COL3A1: variants seen among roughly 807,000 people sequenced by gnomAD.
The protein encoded by COL3A1 is collagen type III alpha 1 chain, also known as collagen alpha-1(III) chain.
A neutral mutation model predicts 200.9 loss-of-function variants in COL3A1; 46 were observed. That is an observed-to-expected ratio of 0.23 (90% CI 0.18 to 0.29). The LOEUF is 0.29. Ranked by LOEUF, COL3A1 falls within the 10% of genes least tolerant of loss-of-function variation. COL3A1 has a pLI of 1.00. For missense variants in COL3A1, 1,367 were observed against 1,917.6 expected (o/e 0.71, Z 5.36); for synonymous variants, 650 against 628.0 (o/e 1.03, Z -0.52).
At chr2:188,989,833 A>C (rs564758114) in intron 8 of COL3A1, among the ~76,000 whole-genome samples, 2 of 152,154 alleles carry the variant, frequency 1.3e-5, no homozygotes, top group East Asian at 1.9e-4. Context: ...TTTCCCTCTT[A>C]ATCTCCAATG....
chr2:188,998,583 A>G (rs1375352427), intron 28 of COL3A1, 91 bp from the exon 29 acceptor site: 1 of 1,324,732 alleles, frequency 7.5e-7, no homozygotes, highest in Non-Finnish European at 1.1e-6. Context: ...TTTTGCTTAT[A>G]TTTACATATT....
chr2:188,999,055 T>C (rs1259580566), intron 29 of COL3A1, among the ~76,000 whole-genome samples: 2 of 152,216 alleles, frequency 1.3e-5, no homozygotes, highest in Admixed American at 1.3e-4. Context: ...AAATAATAAG[T>C]ATTTCAATGA....
In COL3A1 at chr2:188,997,688, A is replaced by G. The variant is rs1231508385; in HGVS notation, c.1870-12A>G. The G allele has an allele frequency of 6.2e-7, 1 of 1,612,444 alleles. No homozygotes were observed. The highest frequency in any genetic ancestry group is 8.5e-7 in the Non-Finnish European group (1 of 1,178,520). ...GATGTTTACAACAGAGTGTATCATTATACTTTTCTAGGGGCCTGGTGGTGA... is the reference window on the plus strand; with the variant it reads ...GATGTTTACAACAGAGTGTATCATTGTACTTTTCTAGGGGCCTGGTGGTGA... On this transcript the variant is annotated splice_polypyrimidine_tract_variant and intron_variant, in intron 26 of 50. Coordinates refer to ENST00000304636, the MANE Select transcript of COL3A1 (RefSeq NM_000090.4).
intron 39 of COL3A1, 34 bp from the exon 40 acceptor site, chr2:189,004,223 T>G (rs750534644): frequency 6.2e-7 from 1 of 1,602,618 alleles, no homozygotes; most frequent in South Asian, 1.1e-5. Context: ...CACTGTCACA[T>G]AAAGATGAGC....
intron 13 of COL3A1, 30 bp downstream of exon 13, chr2:188,991,752 A>G (rs749678375): frequency 1.2e-6 from 2 of 1,612,610 alleles, no homozygotes; most frequent in South Asian, 2.2e-5. Flanking sequence ...TCACACAATT[A>G]CAACCCAAAG....
chr2:188,975,644 A>G (rs1025447518), intron 1 of COL3A1, among the ~76,000 whole-genome samples: 1 of 152,190 alleles, frequency 6.6e-6, no homozygotes. Flanking sequence ...TGTAATATCA[A>G]ATGTATTTGT....
chr2:188,993,504 C>T (rs1688232629), intron 16 of COL3A1, 45 bp downstream of exon 16: 1 of 1,412,820 alleles, frequency 7.1e-7, no homozygotes, highest in South Asian at 1.2e-5. Context: ...TTCATGCTTA[C>T]TCCATGAAAG....
At chr2:189,009,493 A>G (rs1156673915) in intron 48 of COL3A1, among the ~76,000 whole-genome samples, 2 of 2,394 alleles carry the variant, frequency 8.4e-4, no homozygotes, top group East Asian at 0.5. Context: ...ATAAAGTAAC[A>G]TATCTTTTTT....
chr2:188,975,324 T>A (rs7568165), intron 1 of COL3A1, among the ~76,000 whole-genome samples: 1,915 of 152,322 alleles, frequency 0.013, 50 homozygotes, highest in African/African-American at 0.044. Flanking sequence ...AAGATACTAG[T>A]ACTGTTTGAC....
At chr2:188,985,089 TA>T in intron 2 of COL3A1, 107 bp from the exon 3 acceptor site, 1 of 1,426,586 alleles carries the variant, frequency 7.0e-7, no homozygotes, top group African/African-American at 1.4e-5. Flanking sequence ...GTATTACGAG[TA>T]AAAAGTGACC....
In COL3A1 at chr2:189,001,520, G is replaced by T; in HGVS notation, c.2338-16G>T. 6.2e-7 allele frequency: 1 copy of T among 1,614,096 alleles called. No individual in the cohort carries two copies. Among genetic ancestry groups the T allele is most frequent in the African/African-American group, 1.3e-5 (1 of 75,008 alleles). On this transcript the variant is annotated splice_polypyrimidine_tract_variant and intron_variant, in intron 33 of 50. Coordinates refer to ENST00000304636, the MANE Select transcript of COL3A1 (RefSeq NM_000090.4). ...CTTTTGGATGCAAGACAGTGACATG[G>T]CTTCTCTTTTTCCAGGGTGAAGGTG...
intron 27 of COL3A1, 60 bp from the exon 28 acceptor site, chr2:188,998,206 G>C: frequency 6.8e-7 from 1 of 1,477,766 alleles, no homozygotes; most frequent in South Asian, 1.2e-5. Context: ...GTACATATGA[G>C]AAGCTTTTCT....
chr2:189,010,941 TTAATC>T (rs767802113), intron 50 of COL3A1, 51 bp downstream of exon 50: 1 of 1,607,708 alleles, frequency 6.2e-7, no homozygotes, highest in Non-Finnish European at 8.5e-7. Flanking sequence ...GCATTTTAGT[TTAATC>T]ATGCAAATTA....
Position 189,004,134 on chromosome 2 carries a change from G to A in COL3A1, c.2814G>A (p.Gln938=), listed in dbSNP as rs1688533327. Residue 938 remains glutamine, a synonymous_variant, in exon 39 of 51, where the codon CAG becomes CAA. Transcript: ENST00000304636. ...QPGEKGSPGA[Q]GPPGAPGPLG... ...GAGAGAAGGGATCGCCTGGTGCCCA[G>A]GGCCCACCAGTAAGTAACTTCATTT... The A allele has an allele frequency of 6.2e-7, 1 of 1,613,840 alleles. No individual in the cohort carries two copies. Among genetic ancestry groups the A allele is most frequent in the African/African-American group, 1.3e-5 (1 of 74,864 alleles).
At position 188,997,684 on chromosome 2, in the gene COL3A1, C is replaced by CATTATACT; in HGVS notation, c.1870-15_1870-8dup. On this transcript the variant is annotated splice_polypyrimidine_tract_variant and intron_variant, in intron 26 of 50. Transcript: ENST00000304636. ...AAAGGATGTTTACAACAGAGTGTAT[C>CATTATACT]ATTATACTTTTCTAGGGGCCTGGTG... 6.2e-7 allele frequency: 1 copy of CATTATACT among 1,610,704 alleles called. No individual in the cohort carries two copies. The highest frequency in any genetic ancestry group is 8.5e-7 in the Non-Finnish European group (1 of 1,176,996).
At chr2:188,991,463 G>A (rs770565205) in intron 11 of COL3A1, 24 bp from the exon 12 acceptor site, 9 of 1,517,160 alleles carry the variant, frequency 5.9e-6, no homozygotes, top group South Asian at 4.8e-5. Context: ...TTGTAAAATA[G>A]TAACATATTT....
intron 34 of COL3A1, among the ~76,000 whole-genome samples, chr2:189,001,944 G>C (rs886647988): frequency 1.1e-4 from 16 of 152,240 alleles, no homozygotes; most frequent in African/African-American, 3.9e-4. Context: ...TAAGACTCTG[G>C]AAAGATATTT....
At position 189,009,095 on chromosome 2, in the gene COL3A1, G is replaced by A. The variant is rs1688662216; in HGVS notation, c.3697G>A (p.Glu1233Lys). 1 of 1,614,168 alleles carries A rather than the reference G, an allele frequency of 6.2e-7. No individual in the cohort carries two copies. The highest frequency in any genetic ancestry group is 1.7e-5 in the Admixed American group (1 of 60,028). The change falls in exon 48 of 51, where the codon GAG (glutamate) becomes AAG (lysine). Residue 1233 changes from glutamate (E) to lysine (K), a missense_variant. Glu to Lys is a moderately conservative substitution (Grantham distance 56, BLOSUM62 1). Around this residue, in one of 5 missense-constraint regions of COL3A1, gnomAD observed 846 missense variants for 1,147.9 expected, o/e 0.74. Coordinates refer to ENST00000304636, the MANE Select transcript of COL3A1 (RefSeq NM_000090.4). The stretch of plus-strand genomic sequence containing the variant: ...AATGGATTTCAAAATCAACACCGAT[G>A]AGATTATGACTTCACTCAAGTCTGT... Reference protein sequence around the residue: ...EPMDFKINTDEIMTSLKSVNG... With the variant: ...EPMDFKINTDKIMTSLKSVNG...
At chr2:188,975,612 G>A (rs1001059109) in intron 1 of COL3A1, among the ~76,000 whole-genome samples, 2 of 152,116 alleles carry the variant, frequency 1.3e-5, no homozygotes, top group Non-Finnish European at 2.9e-5. Context: ...AAAGGACACT[G>A]CATGAAAATT....
Sources: allele counts gnomAD v4.1 joint callset (sites outside exome capture counted in the v4.1 genomes callset), GRCh38; gene constraint gnomAD v4.1.1; regional missense constraint gnomAD v4.1.1; transcripts MANE v1.5; gene names NCBI Gene and HGNC (gene_info 2026-07-23, HGNC 2026-07-21).